The following FAM47C variants were observed in gnomAD, a reference collection of about 807,000 sequenced individuals.
The protein encoded by FAM47C is putative protein FAM47C.
For synonymous variants in FAM47C, 307 were observed against 346.5 expected (o/e 0.89, Z 1.27); for missense variants, 847 against 879.9 (o/e 0.96, Z 0.47).
Position 37,011,441 on chromosome X carries a change from G to T in FAM47C, c.3031G>T (p.Val1011Phe). 2 of 1,210,823 alleles carry T rather than the reference G, an allele frequency of 1.7e-6. No individual in the cohort carries two copies. The highest frequency in any genetic ancestry group is 2.2e-6 in the Non-Finnish European group (2 of 895,128). The change falls in exon 1 of 1, where the codon GTT (valine) becomes TTT (phenylalanine). Residue 1011 changes from valine to phenylalanine, a missense_variant. Transcript: ENST00000358047. ...FARRGWTYDS[V>F]KTPIQRAMQV... ...CAGGAGGGGATGGACTTATGACTCT[G>T]TTAAGACTCCTATTCAACGTGCAAT...
chrX:37,010,801 C>T lies in FAM47C; in HGVS notation c.2391C>T (p.Ser797=). The change falls in exon 1 of 1, where the codon TCC becomes TCT. Residue 797 remains serine, a synonymous_variant. Transcript: ENST00000358047. The part of the protein sequence containing the change: ...HLEPPKTRRV[S]SLRLEPPKTG... ...AGCCTCCCAAGACTCGTCGAGTGTC[C>T]AGTCTCCGCCTGGAGCCTCCCAAGA... 8.3e-7 allele frequency: 1 copy of T among 1,210,508 alleles called. No homozygotes were observed. Among genetic ancestry groups the T allele is most frequent in the Non-Finnish European group, 1.1e-6 (1 of 894,883 alleles).
rs150852041 is a variant in FAM47C, at chrX:37,008,520, G to T, written c.110G>T (p.Arg37Leu). 8.3e-6 allele frequency: 10 copies of T among 1,211,507 alleles called. No homozygotes were observed. The African/African-American group carries it at 1.4e-4, about 17-fold the overall frequency. Reference protein sequence around the residue: ...SKYFAKRKHRRLRFPPVDTQN... With the variant: ...SKYFAKRKHRLLRFPPVDTQN... ...TACTTCGCGAAGCGCAAGCACAGGCGCCTGAGGTTCCCGCCTGTGGACACC... is the reference window on the plus strand; with the variant it reads ...TACTTCGCGAAGCGCAAGCACAGGCTCCTGAGGTTCCCGCCTGTGGACACC... Residue 37 changes from arginine to leucine, a missense_variant, in exon 1 of 1, where the codon CGC (arginine) becomes CTC (leucine). Transcript: ENST00000358047.
chrX:37,010,266 G>A lies in FAM47C; in HGVS notation c.1856G>A (p.Arg619His), dbSNP rs1345549703. The change falls in exon 1 of 1, where the codon CGC becomes CAC. Residue 619 changes from arginine (R) to histidine (H), a missense_variant. Physicochemically the swap from Arg to His is conservative, Grantham distance 29 (BLOSUM62 0). Coordinates refer to ENST00000358047, the MANE Select transcript of FAM47C (RefSeq NM_001013736.3). The stretch of plus-strand genomic sequence containing the variant: ...CCAGAGACTCGCGTATCTCATCTCC[G>A]CCCAGAGCCTCCTGAGACTGGAGTG... ...EPPETRVSHL[R>H]PEPPETGVSH... The A allele has an allele frequency of 8.5e-7, 1 of 1,179,377 alleles. No individual in the cohort carries two copies. The highest frequency in any genetic ancestry group is 1.1e-6 in the Non-Finnish European group (1 of 884,865).
In FAM47C at chrX:37,008,733, CGCCAGCACA is replaced by C; in HGVS notation, c.332_340del (p.Gln111_Ala113del). ...AAAGCGGCCCTGTTTTCCAAGCTCT[CGCCAGCACA>C]GCCAGCACGGAAGGCGTTCGTAGAG... On this transcript the variant is annotated inframe_deletion, in exon 1 of 1. Coordinates refer to ENST00000358047, the MANE Select transcript of FAM47C (RefSeq NM_001013736.3). 8.3e-7 allele frequency: 1 copy of C among 1,211,981 alleles called. No individual in the cohort carries two copies. The highest frequency in any genetic ancestry group is 3.0e-5 in the East Asian group (1 of 33,818).
chrX:37,010,804 T>A lies in FAM47C; in HGVS notation c.2394T>A (p.Ser798Arg). ...LEPPKTRRVS[S>R]LRLEPPKTGR... ...CTCCCAAGACTCGTCGAGTGTCCAG[T>A]CTCCGCCTGGAGCCTCCCAAGACTG... Residue 798 changes from serine (S) to arginine (R), a missense_variant, in exon 1 of 1, where the codon AGT (serine) becomes AGA (arginine). By Grantham distance (110) the Ser-to-Arg change is moderately radical. Coordinates refer to ENST00000358047, the MANE Select transcript of FAM47C (RefSeq NM_001013736.3). 2.5e-6 allele frequency: 3 copies of A among 1,209,162 alleles called. No individual in the cohort carries two copies. Among genetic ancestry groups the A allele is most frequent in the Non-Finnish European group, 3.4e-6 (3 of 894,645 alleles).
rs1285899224 is a variant in FAM47C at position 37,008,739 on chromosome X, C to T, written c.329C>T (p.Ala110Val). ...KAALFSKLSP[A>V]QPARKAFVEE... ...GCCCTGTTTTCCAAGCTCTCGCCAG[C>T]ACAGCCAGCACGGAAGGCGTTCGTA... The change falls in exon 1 of 1, where the codon GCA (alanine) becomes GTA (valine). Residue 110 changes from alanine to valine, a missense_variant. Coordinates refer to ENST00000358047, the MANE Select transcript of FAM47C (RefSeq NM_001013736.3). The T allele has an allele frequency of 9.1e-6, 11 of 1,210,326 alleles. No homozygotes were observed. The highest frequency in any genetic ancestry group is 1.1e-5 in the Non-Finnish European group (10 of 895,303).
Position 37,010,774 on chromosome X carries a change from G to C in FAM47C, c.2364G>C (p.Leu788=). The stretch of plus-strand genomic sequence containing the variant: ...AGCCTCGGGTATCCAGTCTCCACCT[G>C]GAGCCTCCCAAGACTCGTCGAGTGT... ...LPKPRVSSLH[L]EPPKTRRVSS... The change falls in exon 1 of 1, where the codon CTG becomes CTC. Residue 788 remains leucine (L), a synonymous_variant. Transcript: ENST00000358047. 1 of 1,208,230 alleles carries C rather than the reference G, an allele frequency of 8.3e-7. No individual in the cohort carries two copies. The highest frequency in any genetic ancestry group is 1.1e-6 in the Non-Finnish European group (1 of 894,214).
rs1338749507 is a variant in FAM47C, at chrX:37,009,459, G to T, written c.1049G>T (p.Gly350Val). 1 of 1,205,569 alleles carries T rather than the reference G, an allele frequency of 8.3e-7. No individual in the cohort carries two copies. The highest frequency in any genetic ancestry group is 1.8e-5 in the African/African-American group (1 of 55,737). The change falls in exon 1 of 1, where the codon GGA (glycine) becomes GTA (valine). Residue 350 changes from glycine (G) to valine (V), a missense_variant. Coordinates refer to ENST00000358047, the MANE Select transcript of FAM47C (RefSeq NM_001013736.3). ...CTCCACCCAGAGCCTCCCGAGACTGGAGTGTCCCATCTCTGCCCGGAACCT... is the reference window on the plus strand; with the variant it reads ...CTCCACCCAGAGCCTCCCGAGACTGTAGTGTCCCATCTCTGCCCGGAACCT... ...SSLHPEPPET[G>V]VSHLCPEPPE...
chrX:37,008,525 AGG>A lies in FAM47C; in HGVS notation c.116_117del (p.Arg39IlefsTer27), dbSNP rs781914045. 1 of 1,211,374 alleles carries A rather than the reference AGG, an allele frequency of 8.3e-7. No homozygotes were observed. The highest frequency in any genetic ancestry group is 2.2e-5 in the Admixed American group (1 of 46,056). On this transcript the variant is annotated frameshift_variant, in exon 1 of 1. Transcript: ENST00000358047. LOFTEE classifies it low-confidence loss of function (END_TRUNC). ...YFAKRKHRRL[R>X]FPPVDTQNWV... Reference sequence around the variant, plus strand: ...CGCGAAGCGCAAGCACAGGCGCCTGAGGTTCCCGCCTGTGGACACCCAGAACT... The same window carrying A: ...CGCGAAGCGCAAGCACAGGCGCCTGATTCCCGCCTGTGGACACCCAGAACT...
rs1306926962 is a variant in FAM47C, at chrX:37,009,128, G to A, written c.718G>A (p.Glu240Lys). ...GTCCAGTCTCCACCTGGAGCCTCCAGAGACTGGAGTGTCCCATCTCCGCCC... is the reference window on the plus strand; with the variant it reads ...GTCCAGTCTCCACCTGGAGCCTCCAAAGACTGGAGTGTCCCATCTCCGCCC... ...QVSSLHLEPP[E>K]TGVSHLRPEP... The change falls in exon 1 of 1, where the codon GAG becomes AAG. Residue 240 changes from glutamate (E) to lysine (K), a missense_variant. Coordinates refer to ENST00000358047, the MANE Select transcript of FAM47C (RefSeq NM_001013736.3). 6 of 1,206,661 alleles carry A rather than the reference G, an allele frequency of 5.0e-6. No homozygotes were observed. The highest frequency in any genetic ancestry group is 4.5e-6 in the Non-Finnish European group (4 of 894,027).
chrX:37,009,497 G>T lies in FAM47C; in HGVS notation c.1087G>T (p.Val363Leu). The T allele has an allele frequency of 3.3e-6, 4 of 1,207,255 alleles. No homozygotes were observed. Among genetic ancestry groups the T allele is most frequent in the Non-Finnish European group, 4.5e-6 (4 of 893,840 alleles). Residue 363 changes from valine (V) to leucine (L), a missense_variant, in exon 1 of 1, where the codon GTA becomes TTA. Val to Leu is a conservative substitution (Grantham distance 32). Transcript: ENST00000358047. ...CTGCCCGGAACCTCCAGAGACTCGC[G>T]TATCTCCTCTCCGCCAGCTGCCTCC... ...HLCPEPPETRVSPLRQLPPEA... is the reference protein window; with the variant it reads ...HLCPEPPETRLSPLRQLPPEA...
chrX:37,010,498 G>T lies in FAM47C; in HGVS notation c.2088G>T (p.Glu696Asp), dbSNP rs1328446187. 8.3e-7 allele frequency: 1 copy of T among 1,204,080 alleles called. No individual in the cohort carries two copies. Among genetic ancestry groups the T allele is most frequent in the Non-Finnish European group, 1.1e-6 (1 of 892,733 alleles). The change falls in exon 1 of 1, where the codon GAG becomes GAT. Residue 696 changes from glutamate (E) to aspartate (D), a missense_variant. Glu to Asp is a conservative substitution (Grantham distance 45, BLOSUM62 2). Transcript: ENST00000358047. ...RVSHLRPEPP[E>D]TGVSRLHPEP... is the part of the protein sequence containing the mutation. ...CTCATCTCCGCCCAGAGCCTCCTGA[G>T]ACTGGAGTGTCCCGTCTCCACCCAG...
Position 37,009,749 on chromosome X carries a change from G to A in FAM47C, c.1339G>A (p.Val447Met). Residue 447 changes from valine to methionine, a missense_variant, in exon 1 of 1, where the codon GTG (valine) becomes ATG (methionine). By Grantham distance (21) the Val-to-Met change is conservative. Transcript: ENST00000358047. ...HLRPEPPETG[V>M]SHLRPEPPKT... is the part of the protein sequence containing the mutation. Reference sequence around the variant, plus strand: ...CCGCCCGGAACCTCCTGAGACTGGAGTGTCCCATCTCCGCCCAGAGCCTCC... The same window carrying A: ...CCGCCCGGAACCTCCTGAGACTGGAATGTCCCATCTCCGCCCAGAGCCTCC... The A allele has an allele frequency of 8.3e-7, 1 of 1,208,086 alleles. No individual in the cohort carries two copies. The highest frequency in any genetic ancestry group is 1.1e-6 in the Non-Finnish European group (1 of 894,175).
In FAM47C at chrX:37,011,168, G is replaced by C; in HGVS notation, c.2758G>C (p.Gly920Arg). Reference sequence around the variant, plus strand: ...CTTCTCACAGGAAAAAGACTTGGACGGGAAAATCCAGAATGCACCAAATTC... The same window carrying C: ...CTTCTCACAGGAAAAAGACTTGGACCGGAAAATCCAGAATGCACCAAATTC... ...KFFSQEKDLD[G>R]KIQNAPNSHS... Residue 920 changes from glycine (G) to arginine (R), a missense_variant, in exon 1 of 1, where the codon GGG (glycine) becomes CGG (arginine). Coordinates refer to ENST00000358047, the MANE Select transcript of FAM47C (RefSeq NM_001013736.3). 2 of 1,210,575 alleles carry C rather than the reference G, an allele frequency of 1.7e-6. No homozygotes were observed. Among genetic ancestry groups the C allele is most frequent in the Non-Finnish European group, 2.2e-6 (2 of 894,918 alleles).
In FAM47C at chrX:37,010,577, G is replaced by A. The variant is rs782084099; in HGVS notation, c.2167G>A (p.Val723Ile). ...SLHAEPPESR[V>I]SHLCPEPPET... is the part of the protein sequence containing the mutation. ...CCACGCGGAGCCTCCTGAGAGTCGCGTATCTCATCTCTGCCCGGAGCCTCC... is the reference window on the plus strand; with the variant it reads ...CCACGCGGAGCCTCCTGAGAGTCGCATATCTCATCTCTGCCCGGAGCCTCC... The change falls in exon 1 of 1, where the codon GTA becomes ATA. Residue 723 changes from valine (V) to isoleucine (I), a missense_variant. Transcript: ENST00000358047. 10 of 1,192,491 alleles carry A rather than the reference G, an allele frequency of 8.4e-6. No individual in the cohort carries two copies. Among genetic ancestry groups the A allele is most frequent in the Non-Finnish European group, 1.0e-5 (9 of 889,677 alleles).
At position 37,009,022 on chromosome X, in the gene FAM47C, G is replaced by T; in HGVS notation, c.612G>T (p.Lys204Asn). ...CCTGTCTCCCCCCGGAGCCTCCCAA[G>T]ACTCCGGTGTCCAGTCTCCGCCCGG... ...RVSCLPPEPP[K>N]TPVSSLRPEP... Residue 204 changes from lysine to asparagine, a missense_variant, in exon 1 of 1, where the codon AAG becomes AAT. Lys to Asn is a moderately conservative substitution (Grantham distance 94, BLOSUM62 0). Transcript: ENST00000358047. The T allele has an allele frequency of 8.3e-7, 1 of 1,211,517 alleles. No individual in the cohort carries two copies. The highest frequency in any genetic ancestry group is 2.2e-5 in the Admixed American group (1 of 46,092).
Position 37,010,786 on chromosome X carries a change from G to C in FAM47C, c.2376G>C (p.Lys792Asn). Reference protein sequence around the residue: ...RVSSLHLEPPKTRRVSSLRLE... With the variant: ...RVSSLHLEPPNTRRVSSLRLE... ...CCAGTCTCCACCTGGAGCCTCCCAAGACTCGTCGAGTGTCCAGTCTCCGCC... is the reference window on the plus strand; with the variant it reads ...CCAGTCTCCACCTGGAGCCTCCCAACACTCGTCGAGTGTCCAGTCTCCGCC... The change falls in exon 1 of 1, where the codon AAG (lysine) becomes AAC (asparagine). Residue 792 changes from lysine to asparagine, a missense_variant. Lys to Asn is a moderately conservative substitution (Grantham distance 94). Transcript: ENST00000358047. 1.7e-6 allele frequency: 2 copies of C among 1,208,627 alleles called. No individual in the cohort carries two copies. The highest frequency in any genetic ancestry group is 2.2e-6 in the Non-Finnish European group (2 of 894,388).
In FAM47C at chrX:37,008,574, T is replaced by C. The variant is rs782463007; in HGVS notation, c.164T>C (p.Met55Thr). The change falls in exon 1 of 1, where the codon ATG becomes ACG. Residue 55 changes from methionine to threonine, a missense_variant. Met to Thr is a moderately conservative substitution (Grantham distance 81). Transcript: ENST00000358047. ...TQNWVFVTEG[M>T]DDFRYGCQSP... ...AACTGGGTATTTGTGACGGAGGGCA[T>C]GGACGACTTCCGCTACGGCTGTCAG... 8.2e-7 allele frequency: 1 copy of C among 1,212,639 alleles called. No individual in the cohort carries two copies. The highest frequency in any genetic ancestry group is 1.1e-6 in the Non-Finnish European group (1 of 895,670).
In FAM47C at chrX:37,008,942, C is replaced by A; in HGVS notation, c.532C>A (p.Pro178Thr). Reference sequence around the variant, plus strand: ...GAAGACAACTGACGAACCCACGGAGCCTGGTAAATACCCCTGTGGGGAATT... The same window carrying A: ...GAAGACAACTGACGAACCCACGGAGACTGGTAAATACCCCTGTGGGGAATT... ...QEKTTDEPTE[P>T]GKYPCGEFSP... The change falls in exon 1 of 1, where the codon CCT (proline) becomes ACT (threonine). Residue 178 changes from proline (P) to threonine (T), a missense_variant. By Grantham distance (38) the Pro-to-Thr change is conservative. Coordinates refer to ENST00000358047, the MANE Select transcript of FAM47C (RefSeq NM_001013736.3). The A allele has an allele frequency of 8.3e-7, 1 of 1,211,657 alleles. No individual in the cohort carries two copies. The highest frequency in any genetic ancestry group is 1.1e-6 in the Non-Finnish European group (1 of 895,281).
Sources: allele counts gnomAD v4.1 joint callset, GRCh38; gene constraint gnomAD v4.1.1; transcripts MANE v1.5; gene names NCBI Gene and HGNC (gene_info 2026-07-23, HGNC 2026-07-21).